CNTN4: variants seen among roughly 807,000 people sequenced by gnomAD.
CNTN4 encodes the protein contactin-4.
CNTN4 carries 77 observed loss-of-function variants against 122.5 expected under a neutral mutation model. That is an observed-to-expected ratio of 0.63 (90% CI 0.52 to 0.76). The LOEUF (loss-of-function observed/expected upper bound fraction) is 0.76. CNTN4 is among the 30% of genes least tolerant of loss of function. CNTN4 has a pLI of 0.00. For synonymous variants in CNTN4, 512 were observed against 447.0 expected, an observed-to-expected ratio of 1.15 and a Z score of -1.83; for missense variants, 1,256 against 1,259.1, an observed-to-expected ratio of 1.00 and a Z score of 0.04.
intron 2 of CNTN4, among the ~76,000 whole-genome samples, chr3:2,314,149 T>C (rs1477664197): frequency 2.0e-5 from 3 of 152,056 alleles, no homozygotes; most frequent in South Asian, 2.1e-4. Context: ...ACAAGAGATG[T>C]CCAATTCTTA....
At chr3:2,857,378 G>A (rs1219247178) in intron 7 of CNTN4, among the ~76,000 whole-genome samples, 1 of 152,190 alleles carries the variant, frequency 6.6e-6, no homozygotes. Flanking sequence ...AGCTTTGTGT[G>A]TTTGAGCTCT....
intron 3 of CNTN4, among the ~76,000 whole-genome samples, chr3:2,356,344 A>G (rs1016731283): frequency 1.3e-5 from 2 of 152,130 alleles, no homozygotes; most frequent in Non-Finnish European, 2.9e-5. Flanking sequence ...CAAGGGGTGG[A>G]TTATTCATGA....
intron 3 of CNTN4, among the ~76,000 whole-genome samples, chr3:2,393,301 C>T (rs1422684478): frequency 6.6e-6 from 1 of 152,064 alleles, no homozygotes; most frequent in Non-Finnish European, 1.5e-5. Flanking sequence ...TGTAATGACC[C>T]TATTTTTAAA....
At chr3:2,494,779 G>A (rs1397853588) in intron 3 of CNTN4, among the ~76,000 whole-genome samples, 2 of 152,190 alleles carry the variant, frequency 1.3e-5, no homozygotes, top group African/African-American at 4.8e-5. Context: ...CCAGAGTCTG[G>A]TTGTAATAGT....
In CNTN4 at chr3:2,385,459, C is replaced by T. The variant is rs2150820647; in HGVS notation, c.-89+46226C>T. Among the ~76,000 whole-genome samples the T allele has an allele frequency of 6.6e-6, 1 of 152,152 alleles. No individual in the cohort carries two copies. The highest frequency in any genetic ancestry group is 2.4e-5 in the African/African-American group (1 of 41,560). On this transcript the variant is annotated intron_variant, in intron 3 of 24. Transcript: ENST00000418658. The surrounding 1 kb of genome is among the most constrained non-coding windows in gnomAD (Gnocchi z 4.0). ...TCATAGCAGATGCTTGTATTAGTTT[C>T]TTAGGACTGCCACAGCAAAGTACCA...
intron 3 of CNTN4, among the ~76,000 whole-genome samples, chr3:2,539,912 T>C (rs2077963666): frequency 6.6e-6 from 1 of 152,048 alleles, no homozygotes; most frequent in African/African-American, 2.4e-5. Flanking sequence ...ACTCTTGCAG[T>C]GTTAGATCTA....
rs368952315 is a variant in CNTN4 at position 2,107,347 on chromosome 3, G to T, written c.-145+6708G>T. ...AGAGGTTTAATGGACTCACAGTTCT[G>T]TATGGCTTGGGAGGCAACAGGAAAC... On this transcript the variant is annotated intron_variant, in intron 2 of 24. Transcript: ENST00000418658. Among the ~76,000 whole-genome samples, 5 of 152,280 alleles carry T rather than the reference G, an allele frequency of 3.3e-5. No individual in the cohort carries two copies. In the South Asian group the frequency reaches 8.3e-4, roughly 25 times the overall value.
intron 3 of CNTN4, among the ~76,000 whole-genome samples, chr3:2,536,587 AT>A (rs79258066): frequency 0.011 from 1,582 of 140,874 alleles, 14 homozygotes; most frequent in African/African-American, 0.025. Context: ...TTTTTAAATA[AT>A]TTTTTTTTTT....
chr3:2,185,250 T>G (rs2037195417), intron 2 of CNTN4, among the ~76,000 whole-genome samples: 1 of 152,192 alleles, frequency 6.6e-6, no homozygotes, highest in Admixed American at 6.5e-5. Flanking sequence ...GGAGTCTGTC[T>G]TCTTTGGGGC....
intron 2 of CNTN4, among the ~76,000 whole-genome samples, chr3:2,115,692 G>C (rs529501339): frequency 4.8e-4 from 73 of 152,274 alleles, no homozygotes; most frequent in African/African-American, 1.7e-3. Context: ...TTCAAGTTGT[G>C]GTGTATAGCT....
chr3:2,393,397 C>T (rs1181485178), intron 3 of CNTN4, among the ~76,000 whole-genome samples: 2 of 152,138 alleles, frequency 1.3e-5, no homozygotes, highest in Non-Finnish European at 2.9e-5. Flanking sequence ...ACTCATCTTG[C>T]CACAGTGTCT....
In CNTN4 at chr3:2,535,408, G is replaced by A. The variant is rs181136996; in HGVS notation, c.-88-36008G>A. Among the ~76,000 whole-genome samples, 16 of 152,090 alleles carry A rather than the reference G, an allele frequency of 1.1e-4. No homozygotes were observed. In the East Asian group the frequency reaches 2.1e-3, roughly 20 times the overall value. On this transcript the variant is annotated intron_variant, in intron 3 of 24. Transcript: ENST00000418658. ...TCAATTCTCTTTCATTTGATCATAG[G>A]CTTCTTCTGTGTTTTTTCTAATACT...
intron 4 of CNTN4, among the ~76,000 whole-genome samples, chr3:2,628,313 A>G (rs1015667201): frequency 6.6e-6 from 1 of 152,204 alleles, no homozygotes; most frequent in African/African-American, 2.4e-5. Context: ...GAGGTGCCGC[A>G]GGAACACTGA....
intron 3 of CNTN4, among the ~76,000 whole-genome samples, chr3:2,436,079 G>T (rs1258005942): frequency 6.6e-6 from 1 of 152,130 alleles, no homozygotes; most frequent in Admixed American, 6.6e-5. Context: ...GAATTGAATT[G>T]CTTTGAGAGA....
chr3:2,826,265 G>T lies in CNTN4; in HGVS notation c.454+6684G>T, dbSNP rs541068306. On this transcript the variant is annotated intron_variant, in intron 7 of 24. Coordinates refer to ENST00000418658, the MANE Select transcript of CNTN4 (RefSeq NM_175607.3). Reference sequence around the variant, plus strand: ...TTTCTTGATGGCAGGGGATCCTCTGGCATCATCCAGGTAATTTTAATATGC... The same window carrying T: ...TTTCTTGATGGCAGGGGATCCTCTGTCATCATCCAGGTAATTTTAATATGC... Among the ~76,000 whole-genome samples the T allele has an allele frequency of 2.0e-5, 3 of 152,234 alleles. No homozygotes were observed. In the East Asian group the frequency reaches 5.8e-4, roughly 29 times the overall value.
At chr3:3,002,913 A>G (rs1229737755) in intron 14 of CNTN4, among the ~76,000 whole-genome samples, 1 of 152,234 alleles carries the variant, frequency 6.6e-6, no homozygotes, top group Non-Finnish European at 1.5e-5. Context: ...ATTACCATTT[A>G]AATCGTGTGG....
chr3:2,570,178 T>A (rs1041629321), intron 3 of CNTN4, among the ~76,000 whole-genome samples: 2 of 150,874 alleles, frequency 1.3e-5, no homozygotes, highest in Non-Finnish European at 3.0e-5. Flanking sequence ...AGTGTTTAAT[T>A]TTTTTTTTTC....
Position 2,615,184 on chromosome 3 carries a change from TTAAA to T in CNTN4, c.55+43629_55+43632del, listed in dbSNP as rs767662152. Among the ~76,000 whole-genome samples the T allele has an allele frequency of 6.1e-4, 93 of 152,328 alleles. 1 individual carries two copies. The highest frequency in any genetic ancestry group is 9.8e-4 in the Non-Finnish European group (67 of 68,038). On this transcript the variant is annotated intron_variant, in intron 4 of 24. Transcript: ENST00000418658. ...CATAAATCAAACAAGGACACAATTG[TTAAA>T]TAGTCTGTATCATATTAATTAGGCT... is the stretch of plus-strand genomic sequence containing the variant.
intron 2 of CNTN4, chr3:2,132,589 GGATA>G (rs1487486890): frequency 6.6e-6 from 1 of 152,138 alleles, no homozygotes; most frequent in Non-Finnish European, 1.5e-5. Context: ...ATTGTGATGA[GGATA>G]GTGATCATGC....
Sources: gnomAD v4.1 joint callset for allele counts (sites outside exome capture counted in the v4.1 genomes callset) on GRCh38, gnomAD v4.1.1 for gene constraint, Gnocchi (gnomAD v3.1) non-coding constraint, MANE v1.5 for transcripts, NCBI Gene and HGNC (gene_info 2026-07-23, HGNC 2026-07-21) for gene names.